GABRB1: variants seen among roughly 807,000 people sequenced by gnomAD.
GABRB1 encodes gamma-aminobutyric acid type A receptor subunit beta1.
GABRB1 carries 17 observed loss-of-function variants against 51.6 expected under a neutral mutation model. The ratio of observed to expected loss-of-function variants is 0.33; its 90% CI spans 0.23 to 0.49. The LOEUF is 0.49. Among genes scored for constraint, GABRB1 ranks in the 20% least tolerant of loss-of-function variants. GABRB1 has a pLI of 0.99. For missense variants in GABRB1, 410 were observed against 600.6 expected, an observed-to-expected ratio of 0.68 and a Z score of 3.32; for synonymous variants, 247 against 218.9, an observed-to-expected ratio of 1.13 and a Z score of -1.14.
At chr4:47,342,361 T>C (rs1725929484) in intron 5 of GABRB1, among the ~76,000 whole-genome samples, 1 of 151,868 alleles carries the variant, frequency 6.6e-6, no homozygotes, top group South Asian at 2.1e-4. Flanking sequence ...TTTTTAATAC[T>C]TGTCTTATTC....
chr4:47,048,723 C>T (rs940199754), intron 3 of GABRB1, among the ~76,000 whole-genome samples: 5 of 152,074 alleles, frequency 3.3e-5, no homozygotes, highest in Non-Finnish European at 5.9e-5. Context: ...AGATAAAGAA[C>T]TGAGTCCAGA....
intron 5 of GABRB1, among the ~76,000 whole-genome samples, chr4:47,376,491 A>C (rs540902463): frequency 1.2e-4 from 17 of 136,006 alleles, no homozygotes; most frequent in African/African-American, 3.7e-4. Context: ...CTAAAAATAC[A>C]AAAAAATTAG....
At chr4:47,167,358 G>A (rs991744913) in intron 4 of GABRB1, among the ~76,000 whole-genome samples, 1 of 151,972 alleles carries the variant, frequency 6.6e-6, no homozygotes, top group African/African-American at 2.4e-5. Context: ...TGGCAGGCAC[G>A]GAGGAATTTA....
At chr4:47,147,290 CT>C (rs201159029) in intron 3 of GABRB1, among the ~76,000 whole-genome samples, 76 of 38,934 alleles carry the variant, frequency 2.0e-3, no homozygotes, top group African/African-American at 9.5e-3. Context: ...TATTTCCTTT[CT>C]TTTTTTCCTT....
At chr4:47,070,355 A>T (rs953893726) in intron 3 of GABRB1, among the ~76,000 whole-genome samples, 10 of 146,014 alleles carry the variant, frequency 6.8e-5, no homozygotes, top group Admixed American at 1.4e-4. Context: ...TTTGAGACAG[A>T]GTTTTCACTC....
chr4:47,350,936 A>G (rs1472670445), intron 5 of GABRB1, among the ~76,000 whole-genome samples: 1 of 152,246 alleles, frequency 6.6e-6, no homozygotes. Context: ...TTTCACAGAT[A>G]ATTTCCTCAA....
intron 4 of GABRB1, among the ~76,000 whole-genome samples, chr4:47,221,804 C>G (rs1006772070): frequency 6.6e-6 from 1 of 152,022 alleles, no homozygotes; most frequent in Non-Finnish European, 1.5e-5. Flanking sequence ...CAGACCAATA[C>G]ATTTTCTTGT....
At chr4:47,009,055 G>A (rs1354640209) in intron 1 of GABRB1, among the ~76,000 whole-genome samples, 4 of 147,376 alleles carry the variant, frequency 2.7e-5, no homozygotes, top group South Asian at 2.2e-4. Flanking sequence ...TAGTAGAGAC[G>A]GGGTTTCACT....
intron 3 of GABRB1, among the ~76,000 whole-genome samples, chr4:47,130,728 A>G (rs1716375539): frequency 6.6e-6 from 1 of 152,212 alleles, no homozygotes; most frequent in African/African-American, 2.4e-5. Flanking sequence ...AGGGATCATG[A>G]GAGCAGGGAT....
intron 3 of GABRB1, among the ~76,000 whole-genome samples, chr4:47,059,477 C>G (rs142373357): frequency 2.9e-4 from 44 of 152,224 alleles, no homozygotes; most frequent in African/African-American, 9.4e-4. Flanking sequence ...TGGCTGATTT[C>G]TCTATTTTAT....
intron 1 of GABRB1, among the ~76,000 whole-genome samples, chr4:47,022,557 C>A (rs1248836549): frequency 1.3e-5 from 2 of 152,018 alleles, no homozygotes; most frequent in Non-Finnish European, 1.5e-5. Context: ...TGCTGTTTAA[C>A]ATTCAATCAC....
chr4:47,242,756 G>T (rs1317249172), intron 4 of GABRB1, among the ~76,000 whole-genome samples: 4 of 152,096 alleles, frequency 2.6e-5, no homozygotes, highest in Non-Finnish European at 5.9e-5. Context: ...TTGTAAATTT[G>T]TTTAAGTTCT....
intron 1 of GABRB1, among the ~76,000 whole-genome samples, chr4:46,995,944 C>A (rs562879466): frequency 4.6e-5 from 7 of 151,958 alleles, no homozygotes; most frequent in African/African-American, 1.2e-4. Context: ...ATACTAAAGG[C>A]ATTTATATCT....
intron 1 of GABRB1, among the ~76,000 whole-genome samples, chr4:47,024,246 T>A (rs1175972553): frequency 6.6e-6 from 1 of 151,996 alleles, no homozygotes; most frequent in Non-Finnish European, 1.5e-5. Flanking sequence ...ATTTTCTGCT[T>A]CTGGAATTTA....
chr4:47,273,652 C>G (rs1051418566), intron 4 of GABRB1, among the ~76,000 whole-genome samples: 5 of 151,842 alleles, frequency 3.3e-5, no homozygotes, highest in African/African-American at 1.2e-4. Context: ...ATAATAATAA[C>G]AATAAACAAG....
At chr4:47,039,763 G>A (rs1294918159) in intron 3 of GABRB1, among the ~76,000 whole-genome samples, 2 of 152,204 alleles carry the variant, frequency 1.3e-5, no homozygotes, top group Non-Finnish European at 2.9e-5. Flanking sequence ...TGGGAGGTGT[G>A]CCTGAAAACA....
At chr4:47,178,667 G>A (rs906679219) in intron 4 of GABRB1, among the ~76,000 whole-genome samples, 1 of 152,038 alleles carries the variant, frequency 6.6e-6, no homozygotes, top group African/African-American at 2.4e-5. Flanking sequence ...CATATAAAAA[G>A]GGCAACGATG....
chr4:47,209,539 A>G (rs1297748946), intron 4 of GABRB1, among the ~76,000 whole-genome samples: 3 of 152,122 alleles, frequency 2.0e-5, no homozygotes, highest in Non-Finnish European at 4.4e-5. Context: ...AACTACAATA[A>G]CACTCTCTTG....
intron 5 of GABRB1, among the ~76,000 whole-genome samples, chr4:47,390,145 G>A (rs1352903554): frequency 6.6e-6 from 1 of 152,218 alleles, no homozygotes; most frequent in Admixed American, 6.5e-5. Context: ...TGGATCACAT[G>A]CCTATTGCCA....
Sources: allele counts gnomAD v4.1 joint callset (sites outside exome capture counted in the v4.1 genomes callset), GRCh38; gene constraint gnomAD v4.1.1; transcripts MANE v1.5; gene names NCBI Gene and HGNC (gene_info 2026-07-23, HGNC 2026-07-21).